TTLL8: variants seen among roughly 807,000 people sequenced by gnomAD.
TTLL8 encodes the protein tubulin tyrosine ligase like 8.
A neutral mutation model predicts 77.8 loss-of-function variants in TTLL8; 65 were observed. That is an observed-to-expected ratio of 0.84 (90% CI 0.68 to 1.03). The LOEUF (loss-of-function observed/expected upper bound fraction) is 1.03. TTLL8 is among the 50% of genes least tolerant of loss of function. The pLI is 0.00. For missense variants in TTLL8, 910 were observed against 1,004.5 expected, an observed-to-expected ratio of 0.91 and a Z score of 1.27; for synonymous variants, 402 against 422.8, an observed-to-expected ratio of 0.95 and a Z score of 0.60.
chr22:50,031,772 G>A, exon 11 of TTLL8: 1 of 1,366,102 alleles, frequency 7.3e-7, no homozygotes, highest in South Asian at 1.1e-5. Context: ...TGTGCACACA[G>A]CTGGGCCGTG....
rs770876484 is a variant in TTLL8 at position 50,041,209 on chromosome 22, G to C, written c.899C>G (p.Pro300Arg). ...CACCTGCCTGTCTCGGGCTGTGGGG[G>C]GCTCAAATGACATCATAACCTTCTG... The change falls in exon 8 of 14, where the codon CCC becomes CGC. Residue 300 changes from proline (P) to arginine (R), a missense_variant. Pro to Arg is a moderately radical substitution (Grantham distance 103). Coordinates refer to ENST00000266182, the Ensembl canonical transcript of TTLL8. This position sits in a 1 kb window ranked among gnomAD's most constrained non-coding sequence, Gnocchi z 4.3. 1 of 462,496 alleles carries C rather than the reference G, an allele frequency of 2.2e-6. No homozygotes were observed. The highest frequency in any genetic ancestry group is 4.3e-6 in the Non-Finnish European group (1 of 234,292). 28.6% of individuals were successfully genotyped at this position (462,496 alleles called of 1,614,324 possible).
chr22:50,042,614 A>G (rs1034937335), intron 6 of TTLL8, among the ~76,000 whole-genome samples: 6 of 152,212 alleles, frequency 3.9e-5, no homozygotes, highest in African/African-American at 1.4e-4. Context: ...AGTTTTTTCT[A>G]TAAAATACCC....
At chr22:50,028,800 C>CA (rs1213034530) in intron 12 of TTLL8, among the ~76,000 whole-genome samples, 3 of 29,492 alleles carry the variant, frequency 1.0e-4, no homozygotes, top group Non-Finnish European at 2.2e-4. Context: ...CCTGAAGACC[C>CA]CACACACCCT....
At position 50,034,607 on chromosome 22, in the gene TTLL8, G is replaced by C; in HGVS notation, c.922-145C>G. The C allele has an allele frequency of 1.2e-6, 1 of 804,340 alleles. No homozygotes were observed. Among genetic ancestry groups the C allele is most frequent in the Non-Finnish European group, 1.7e-6 (1 of 580,790 alleles). The allele number at this position is 804,340 out of a possible 1,614,324, so 49.8% of individuals were successfully genotyped here. A position where few individuals can be genotyped will look rare whatever the true frequency, so the allele number is the denominator to read the frequency against. ...TCTAGGATGGTCTGGGGCTGGCCTG[G>C]CGGGAAAGGGCTGCGGGTCGGCCCA... is the stretch of plus-strand genomic sequence containing the variant. On this transcript the variant is annotated intron_variant, in intron 8 of 13. Coordinates refer to ENST00000266182, the Ensembl canonical transcript of TTLL8. This position sits in a 1 kb window ranked among gnomAD's most constrained non-coding sequence, Gnocchi z 4.1.
intron 12 of TTLL8, among the ~76,000 whole-genome samples, chr22:50,021,019 GACA>G (rs66757808): frequency 1.4e-5 from 2 of 144,224 alleles, no homozygotes; most frequent in East Asian, 2.1e-4. Context: ...TCCTCCATCT[GACA>G]ACGTGCATTC....
intron 1 of TTLL8, among the ~76,000 whole-genome samples, chr22:50,052,702 T>TA (rs2061450527): frequency 6.6e-6 from 1 of 152,198 alleles, no homozygotes; most frequent in Non-Finnish European, 1.5e-5. Context: ...TTCATAATTT[T>TA]AAAAAGATTC....
chr22:50,031,376 G>A (rs1222979762), intron 11 of TTLL8, among the ~76,000 whole-genome samples: 4 of 152,224 alleles, frequency 2.6e-5, no homozygotes, highest in Admixed American at 1.3e-4. Context: ...CCACAGTCAG[G>A]ACTGGGTGAG....
chr22:50,031,470 C>T lies in TTLL8; in HGVS notation c.1707+216G>A, dbSNP rs1417351571. 5.7e-6 allele frequency: 5 copies of T among 874,742 alleles called. No homozygotes were observed. In the African/African-American group the frequency reaches 9.1e-5, roughly 16 times the overall value. 54.2% of individuals were successfully genotyped at this position (874,742 alleles called of 1,614,324 possible). A position where few individuals can be genotyped will look rare whatever the true frequency, so the allele number is the denominator to read the frequency against. On this transcript the variant is annotated intron_variant, in intron 11 of 13. Coordinates refer to ENST00000266182, the Ensembl canonical transcript of TTLL8. ...GCTCCGCCCGCACGCCTGGAGTAGC[C>T]CCTTCCTCGGTGCCGACGAGGCACT...
rs960926417 is a variant in TTLL8 at position 50,044,380 on chromosome 22, G to A, written c.643+875C>T. ...AGGTGGCCCAAGTGACCTGGTCTCCGACCAATGCAAACTACAACCTAACTC... is the reference window on the plus strand; with the variant it reads ...AGGTGGCCCAAGTGACCTGGTCTCCAACCAATGCAAACTACAACCTAACTC... On this transcript the variant is annotated intron_variant, in intron 6 of 13. Transcript: ENST00000266182. The surrounding 1 kb of genome is among the most constrained non-coding windows in gnomAD (Gnocchi z 4.2). 2.0e-5 allele frequency among the ~76,000 whole-genome samples: 3 copies of A among 151,594 alleles called. No homozygotes were observed. Among genetic ancestry groups the A allele is most frequent in the Non-Finnish European group, 4.4e-5 (3 of 67,984 alleles).
chr22:50,027,788 G>C (rs2061239987), intron 12 of TTLL8: 1 of 985,352 alleles, frequency 1.0e-6, no homozygotes, highest in Non-Finnish European at 1.2e-6. Context: ...ACTAGCCTGA[G>C]GCCGAGGGGC....
intron 8 of TTLL8, among the ~76,000 whole-genome samples, chr22:50,039,489 C>T (rs1006540204): frequency 2.6e-5 from 4 of 152,124 alleles, no homozygotes; most frequent in Admixed American, 6.6e-5. Flanking sequence ...GATCAAAATG[C>T]CCCACGAACC....
chr22:50,031,578 AC>A (rs2061293201), intron 11 of TTLL8, 107 bp downstream of exon 12: 1 of 1,192,214 alleles, frequency 8.4e-7, no homozygotes, highest in Admixed American at 3.5e-5. Context: ...TCCTCCATAG[AC>A]CCCGCTGCAC....
chr22:50,038,920 C>T (rs764501692), intron 8 of TTLL8, among the ~76,000 whole-genome samples: 6 of 151,992 alleles, frequency 3.9e-5, no homozygotes, highest in Non-Finnish European at 7.4e-5. Flanking sequence ...GATCTTATAC[C>T]TTTTCTTTTC....
rs796663215 is a variant in TTLL8, at chr22:50,049,985, G to A, written c.190+124C>T. Reference sequence around the variant, plus strand: ...AGGAGGGTGATGGAGACCTGGGGTCGGAGATACCCCATCACGCACACCAGG... The same window carrying A: ...AGGAGGGTGATGGAGACCTGGGGTCAGAGATACCCCATCACGCACACCAGG... On this transcript the variant is annotated intron_variant, in intron 2 of 13. Coordinates refer to ENST00000266182, the Ensembl canonical transcript of TTLL8. 7.8e-5 allele frequency: 90 copies of A among 1,153,088 alleles called. No individual in the cohort carries two copies. In the African/African-American group the frequency reaches 1.3e-3, roughly 16 times the overall value. 71.4% of individuals were successfully genotyped at this position (1,153,088 alleles called of 1,614,324 possible). A position where few individuals can be genotyped will look rare whatever the true frequency, so the allele number is the denominator to read the frequency against.
intron 11 of TTLL8, among the ~76,000 whole-genome samples, chr22:50,031,431 G>T (rs2061291105): frequency 6.6e-6 from 1 of 152,180 alleles, no homozygotes; most frequent in South Asian, 2.1e-4. Context: ...CACTGAGCCT[G>T]AGTGAGCGGG....
intron 1 of TTLL8, among the ~76,000 whole-genome samples, chr22:50,050,624 A>G (rs2061439186): frequency 6.6e-6 from 1 of 152,200 alleles, no homozygotes; most frequent in South Asian, 2.1e-4. Flanking sequence ...GGGGAAAAGA[A>G]AAGTAAGATA....
intron 12 of TTLL8, among the ~76,000 whole-genome samples, chr22:50,025,706 A>C (rs778231059): frequency 6.6e-6 from 1 of 152,194 alleles, no homozygotes; most frequent in Non-Finnish European, 1.5e-5. Flanking sequence ...AACCAAAGGC[A>C]AGCAACCTAA....
At chr22:50,042,480 A>G (rs1050126923) in intron 6 of TTLL8, among the ~76,000 whole-genome samples, 2 of 152,104 alleles carry the variant, frequency 1.3e-5, no homozygotes, top group African/African-American at 4.8e-5. Flanking sequence ...CCAGCCAGAA[A>G]ACAATTTAAA....
intron 12 of TTLL8, among the ~76,000 whole-genome samples, chr22:50,026,405 C>T (rs9628309): frequency 4.8e-5 from 4 of 83,712 alleles, no homozygotes; most frequent in East Asian, 2.5e-4. Flanking sequence ...CATTCTGCAC[C>T]GCCGCCACCT....
Sources: allele counts gnomAD v4.1 joint callset (sites outside exome capture counted in the v4.1 genomes callset), GRCh38; gene constraint gnomAD v4.1.1; non-coding constraint Gnocchi (gnomAD v3.1); transcripts MANE v1.5; gene names NCBI Gene and HGNC (gene_info 2026-07-23, HGNC 2026-07-21).